STXBP5L: variants seen among roughly 807,000 people sequenced by gnomAD.
STXBP5L encodes syntaxin-binding protein 5-like.
In STXBP5L, 65 loss-of-function variants were observed where a neutral mutation model predicts 144.5. The ratio of observed to expected loss-of-function variants is 0.45; its 90% CI spans 0.37 to 0.55. The LOEUF (loss-of-function observed/expected upper bound fraction) is 0.55, where lower values mean the gene tolerates loss of function less well. STXBP5L is among the 20% of genes least tolerant of loss of function. STXBP5L has a pLI of 0.00. For synonymous variants in STXBP5L, 505 were observed against 469.6 expected, an observed-to-expected ratio of 1.08 and a Z score of -0.97; for missense variants, 1,298 against 1,405.5, an observed-to-expected ratio of 0.92 and a Z score of 1.22.
At chr3:121,103,169 A>C (rs981881135) in intron 5 of STXBP5L, among the ~76,000 whole-genome samples, 1 of 152,162 alleles carries the variant, frequency 6.6e-6, no homozygotes, top group Non-Finnish European at 1.5e-5. Context: ...CTGAGCTACC[A>C]TTTGACCCAG....
chr3:121,032,241 A>G (rs970981983), intron 3 of STXBP5L, among the ~76,000 whole-genome samples: 1 of 134,280 alleles, frequency 7.4e-6, no homozygotes, highest in African/African-American at 3.0e-5. Flanking sequence ...GAACTTTAGA[A>G]GTGATGGGCA....
intron 5 of STXBP5L, among the ~76,000 whole-genome samples, chr3:121,058,807 A>G (rs1175638724): frequency 6.6e-6 from 1 of 150,662 alleles, no homozygotes; most frequent in Admixed American, 6.8e-5. Context: ...TCCTTTGCCC[A>G]CTTTTTGATG....
At chr3:121,041,377 T>C (rs1469835948) in intron 3 of STXBP5L, among the ~76,000 whole-genome samples, 1 of 152,112 alleles carries the variant, frequency 6.6e-6, no homozygotes, top group South Asian at 2.1e-4. Flanking sequence ...TTTGAATTTA[T>C]TGTGGTGAAA....
intron 3 of STXBP5L, among the ~76,000 whole-genome samples, chr3:121,019,817 AT>A (rs1385071761): frequency 1.3e-5 from 2 of 152,178 alleles, no homozygotes; most frequent in Non-Finnish European, 2.9e-5. Flanking sequence ...ATCTACCCAA[AT>A]GAGAAGAAAC....
At chr3:121,209,697 C>A (rs2108247777) in intron 10 of STXBP5L, among the ~76,000 whole-genome samples, 1 of 152,096 alleles carries the variant, frequency 6.6e-6, no homozygotes, top group African/African-American at 2.4e-5. Context: ...GTTTTTTGTC[C>A]TTGTGATAGT....
At chr3:121,060,886 G>A (rs374741112) in intron 5 of STXBP5L, among the ~76,000 whole-genome samples, 6 of 151,838 alleles carry the variant, frequency 4.0e-5, no homozygotes, top group Non-Finnish European at 7.4e-5. Flanking sequence ...TCTGGCTAGC[G>A]GTCTATCTAT....
chr3:120,987,405 GT>G (rs1264283005), intron 3 of STXBP5L, among the ~76,000 whole-genome samples: 18 of 151,900 alleles, frequency 1.2e-4, no homozygotes, highest in Non-Finnish European at 8.8e-5. Context: ...TTTGCCATCT[GT>G]ATAATATCTT....
intron 11 of STXBP5L, among the ~76,000 whole-genome samples, chr3:121,228,039 C>T (rs577445286): frequency 3.5e-4 from 53 of 152,170 alleles, no homozygotes; most frequent in Middle Eastern, 6.8e-3. Context: ...CCTGGAGAGA[C>T]CTGCCAAAGA....
chr3:121,061,543 T>A (rs2041278412), intron 5 of STXBP5L, among the ~76,000 whole-genome samples: 2 of 151,702 alleles, frequency 1.3e-5, no homozygotes, highest in African/African-American at 4.8e-5. Context: ...TTTTTTGTCT[T>A]GTTGATCTAA....
intron 5 of STXBP5L, among the ~76,000 whole-genome samples, chr3:121,093,802 G>T: frequency 6.6e-6 from 1 of 151,962 alleles, no homozygotes; most frequent in East Asian, 1.9e-4. Context: ...GTTATTTCTT[G>T]CCTTCTGCTA....
chr3:121,412,150 C>T (rs2047127330), intron 23 of STXBP5L, among the ~76,000 whole-genome samples: 1 of 152,096 alleles, frequency 6.6e-6, no homozygotes, highest in Non-Finnish European at 1.5e-5. Flanking sequence ...GCCTGTGACT[C>T]CAGAGTCCTG....
intron 5 of STXBP5L, among the ~76,000 whole-genome samples, chr3:121,065,868 T>A (rs1576835678): frequency 6.6e-6 from 1 of 152,330 alleles, no homozygotes; most frequent in East Asian, 1.9e-4. Context: ...AGCATTCATA[T>A]CCCTTGCATG....
intron 20 of STXBP5L, among the ~76,000 whole-genome samples, chr3:121,371,894 C>T (rs1312899646): frequency 6.6e-6 from 1 of 152,168 alleles, no homozygotes; most frequent in African/African-American, 2.4e-5. Context: ...AATGGTGGTA[C>T]CGCTGGGAGA....
chr3:121,163,617 G>A (rs2046398556), intron 9 of STXBP5L, among the ~76,000 whole-genome samples: 1 of 151,876 alleles, frequency 6.6e-6, no homozygotes, highest in African/African-American at 2.4e-5. Flanking sequence ...AATAATTACA[G>A]GGTTTTTAAA....
At chr3:121,175,544 A>C (rs1269497479) in intron 9 of STXBP5L, among the ~76,000 whole-genome samples, 1 of 152,154 alleles carries the variant, frequency 6.6e-6, no homozygotes, top group Non-Finnish European at 1.5e-5. Flanking sequence ...TGTAAATTTT[A>C]AACCCTGGGA....
intron 3 of STXBP5L, among the ~76,000 whole-genome samples, chr3:121,001,411 C>G (rs186029962): frequency 6.6e-6 from 1 of 152,286 alleles, no homozygotes; most frequent in Non-Finnish European, 1.5e-5. Context: ...CACGATAGCT[C>G]TGTTCTGTGC....
chr3:120,928,332 G>A lies in STXBP5L; in HGVS notation c.189+18565G>A, dbSNP rs138623482. On this transcript the variant is annotated intron_variant, in intron 2 of 26. Transcript: ENST00000471454. ...GGCTGGAGTGCAGTGGCGAAATCTC[G>A]GCTCACTGCAACCTCCGTCTCTGGG... Among the ~76,000 whole-genome samples the A allele has an allele frequency of 7.2e-3, 1,087 of 151,974 alleles. 13 individuals carry two copies. Among genetic ancestry groups the A allele is most frequent in the Middle Eastern group, 0.037 (11 of 294 alleles).
intron 2 of STXBP5L, among the ~76,000 whole-genome samples, chr3:120,924,857 C>G (rs1034519461): frequency 2.0e-5 from 3 of 152,062 alleles, no homozygotes; most frequent in African/African-American, 7.2e-5. Flanking sequence ...ACTACAGGCT[C>G]CCGTGACCAC....
chr3:121,052,877 TG>T (rs1948133225), intron 5 of STXBP5L, among the ~76,000 whole-genome samples: 1 of 152,200 alleles, frequency 6.6e-6, no homozygotes, highest in Non-Finnish European at 1.5e-5. Flanking sequence ...CTCCTTAAGC[TG>T]ATAAGCAACT....
Sources: allele counts gnomAD v4.1 joint callset (sites outside exome capture counted in the v4.1 genomes callset), GRCh38; gene constraint gnomAD v4.1.1; transcripts MANE v1.5; gene names NCBI Gene and HGNC (gene_info 2026-07-23, HGNC 2026-07-21).